Variants in ALDH3A2 observed in about 807,000 individuals in gnomAD.
ALDH3A2 encodes the protein aldehyde dehydrogenase family 3 member A2.
ALDH3A2 carries 36 observed loss-of-function variants against 51.3 expected under a neutral mutation model. The observed-to-expected ratio is 0.70, with a 90% confidence interval of 0.54 to 0.93. ALDH3A2 has a LOEUF of 0.93. ALDH3A2 is among the 40% of genes least tolerant of loss of function. The pLI is 0.00. For synonymous variants in ALDH3A2, 199 were observed against 219.8 expected (o/e 0.91, Z 0.84); for missense variants, 552 against 603.1 (o/e 0.92, Z 0.89).
Position 19,656,347 on chromosome 17 carries a change from G to T in ALDH3A2, c.472-19G>T. 6.3e-7 allele frequency: 1 copy of T among 1,598,074 alleles called. No individual in the cohort carries two copies. The highest frequency in any genetic ancestry group is 8.6e-7 in the Non-Finnish European group (1 of 1,165,614). On this transcript the variant is annotated intron_variant, in intron 3 of 9. Coordinates refer to ENST00000176643, the MANE Select transcript of ALDH3A2 (RefSeq NM_000382.3). Reference sequence around the variant, plus strand: ...GATTTATTTGGCAGTGCAAGAGTTTGTGTTTCTCTTTCTTTGAGGATCTCT... The same window carrying T: ...GATTTATTTGGCAGTGCAAGAGTTTTTGTTTCTCTTTCTTTGAGGATCTCT...
At chr17:19,655,295 T>C (rs2084880270) in intron 3 of ALDH3A2, 1 of 152,250 alleles carries the variant, frequency 6.6e-6, no homozygotes, top group African/African-American at 2.4e-5. Context: ...TTTGTTCTAA[T>C]AGCTGTGATG....
At chr17:19,661,899 A>G (rs2084971582) in intron 6 of ALDH3A2, 2 of 152,156 alleles carry the variant, frequency 1.3e-5, no homozygotes, top group Non-Finnish European at 2.9e-5. Flanking sequence ...AAAAAAACTT[A>G]AAAATGAAAT....
At chr17:19,663,230 G>T in intron 6 of ALDH3A2, 103 bp from the exon 7 acceptor site, 1 of 1,345,056 alleles carries the variant, frequency 7.4e-7, no homozygotes. Flanking sequence ...ACTTGGGTGG[G>T]AGAGGGAAAG....
chr17:19,653,304 G>A (rs1018638395), intron 3 of ALDH3A2, among the ~76,000 whole-genome samples: 4 of 151,884 alleles, frequency 2.6e-5, no homozygotes, highest in South Asian at 2.1e-4. Context: ...CTTGGCCTCC[G>A]AAAGTGCTGG....
In ALDH3A2 at chr17:19,648,970, C is replaced by T. The variant is rs1289946940; in HGVS notation, c.-2C>T. Reference sequence around the variant, plus strand: ...CCGTGCAGTTCTCTGCAGGACCAGGCCATGGAGCTCGAAGTCCGGCGGGTC... The same window carrying T: ...CCGTGCAGTTCTCTGCAGGACCAGGTCATGGAGCTCGAAGTCCGGCGGGTC... On this transcript the variant is annotated 5_prime_UTR_variant, in exon 1 of 10. Coordinates refer to ENST00000176643, the MANE Select transcript of ALDH3A2 (RefSeq NM_000382.3). 1.3e-6 allele frequency: 2 copies of T among 1,585,234 alleles called. No individual in the cohort carries two copies. The highest frequency in any genetic ancestry group is 1.7e-6 in the Non-Finnish European group (2 of 1,166,764).
intron 4 of ALDH3A2, among the ~76,000 whole-genome samples, chr17:19,657,207 A>G (rs772243019): frequency 1.6e-4 from 24 of 152,376 alleles, no homozygotes; most frequent in Non-Finnish European, 3.4e-4. Context: ...TGTCAAAACC[A>G]GACACCCTCA....
rs1402068548 is a variant in ALDH3A2, at chr17:19,654,722, A to G, written c.472-1644A>G. ...CCCTCCACACCTTCCCACAAGCAGA[A>G]GGAGCCGGCTCCAGCCTTGGCCAGC... On this transcript the variant is annotated intron_variant, in intron 3 of 9. Transcript: ENST00000176643. This position sits in a 1 kb window ranked among gnomAD's most constrained non-coding sequence, Gnocchi z 4.5. 6.6e-6 allele frequency among the ~76,000 whole-genome samples: 1 copy of G among 151,856 alleles called. No homozygotes were observed. Among genetic ancestry groups the G allele is most frequent in the Non-Finnish European group, 1.5e-5 (1 of 67,972 alleles).
upstream of ALDH3A2, chr17:19,648,629 C>A (rs947999282): frequency 2.6e-6 from 1 of 383,234 alleles, no homozygotes; most frequent in Admixed American, 3.9e-5. Context: ...TCACTCCACC[C>A]CCTACATCCC....
rs1017339481 is a variant in ALDH3A2 at position 19,648,853 on chromosome 17, C to T, written c.-119C>T. The T allele has an allele frequency of 4.0e-5, 54 of 1,341,146 alleles. No individual in the cohort carries two copies. The highest frequency in any genetic ancestry group is 2.5e-4 in the Middle Eastern group (1 of 3,936). 83.1% of individuals were successfully genotyped at this position (1,341,146 alleles called of 1,614,324 possible). On this transcript the variant is annotated 5_prime_UTR_variant, in exon 1 of 10. The change creates a new upstream start codon in the 5' untranslated region. Coordinates refer to ENST00000176643, the MANE Select transcript of ALDH3A2 (RefSeq NM_000382.3). Reference sequence around the variant, plus strand: ...CGAGTGAATTGTGGCTGTGGGTTGACGGTGGAGACACCCCCCGGAGGGAGG... The same window carrying T: ...CGAGTGAATTGTGGCTGTGGGTTGATGGTGGAGACACCCCCCGGAGGGAGG...
At position 19,663,335 on chromosome 17, in the gene ALDH3A2, C is replaced by T. The variant is rs72547571; in HGVS notation, c.943C>T (p.Pro315Ser). 78 of 1,613,724 alleles carry T rather than the reference C, an allele frequency of 4.8e-5. No individual in the cohort carries two copies. The highest frequency in any genetic ancestry group is 5.3e-5 in the Non-Finnish European group (63 of 1,179,948). ...ETDEATRYIAPTVLTDVDPKT... is the reference protein window; with the variant it reads ...ETDEATRYIASTVLTDVDPKT... ...CATTTTGTTTATTTTCTTTTTAGCC[C>T]CAACAGTACTTACCGATGTTGATCC... The change falls in exon 7 of 10, where the codon CCA becomes TCA. Residue 315 changes from proline to serine, a missense_variant and splice_region_variant. Physicochemically the swap from Pro to Ser is moderately conservative, Grantham distance 74 (BLOSUM62 -1). Transcript: ENST00000176643.
intron 8 of ALDH3A2, among the ~76,000 whole-genome samples, chr17:19,667,272 C>T (rs2085051723): frequency 6.6e-6 from 1 of 152,140 alleles, no homozygotes; most frequent in African/African-American, 2.4e-5. Context: ...CATACTTTTC[C>T]ATCATATGAA....
chr17:19,661,528 C>T (rs1241389014), intron 6 of ALDH3A2: 2 of 446,238 alleles, frequency 4.5e-6, no homozygotes, highest in Admixed American at 7.6e-5. Context: ...CCTAACAATC[C>T]TGAGAAGCAG....
chr17:19,648,643 C>A (rs2084766838), upstream of ALDH3A2: 3 of 414,226 alleles, frequency 7.2e-6, no homozygotes, highest in African/African-American at 4.1e-5. Context: ...ACATCCCAGC[C>A]CGCTGCCAGA....
Position 19,648,868 on chromosome 17 carries a change from C to CCGGAGGGAGG in ALDH3A2, c.-95_-86dup. 1.4e-6 allele frequency: 2 copies of CCGGAGGGAGG among 1,458,712 alleles called. No individual in the cohort carries two copies. Among genetic ancestry groups the CCGGAGGGAGG allele is most frequent in the Non-Finnish European group, 1.9e-6 (2 of 1,080,274 alleles). 90.4% of individuals were successfully genotyped at this position (1,458,712 alleles called of 1,614,324 possible). On this transcript the variant is annotated 5_prime_UTR_variant, in exon 1 of 10. Coordinates refer to ENST00000176643, the MANE Select transcript of ALDH3A2 (RefSeq NM_000382.3). ...TGTGGGTTGACGGTGGAGACACCCC[C>CCGGAGGGAGG]CGGAGGGAGGCGGAGGGAAGGGAGG...
intron 3 of ALDH3A2, 32 bp downstream of exon 3, chr17:19,652,664 G>A (rs759068160): frequency 3.3e-6 from 5 of 1,493,544 alleles, no homozygotes; most frequent in Admixed American, 1.7e-5. Context: ...TCCAACATAT[G>A]TGTTTACTGT....
At chr17:19,675,439 G>T in intron 9 of ALDH3A2, 119 bp from the exon 10 acceptor site, 1 of 1,033,224 alleles carries the variant, frequency 9.7e-7, no homozygotes, top group Non-Finnish European at 1.5e-6. Flanking sequence ...TACAATGCAT[G>T]TAGAGTCTCT....
At chr17:19,664,643 C>T (rs1162940200) in intron 7 of ALDH3A2, among the ~76,000 whole-genome samples, 5 of 152,206 alleles carry the variant, frequency 3.3e-5, no homozygotes, top group African/African-American at 1.2e-4. Context: ...GAGTCTTTTG[C>T]TGCTGTGTTG....
intron 1 of ALDH3A2, among the ~76,000 whole-genome samples, chr17:19,650,609 G>A (rs1406688195): frequency 5.9e-5 from 9 of 151,864 alleles, no homozygotes; most frequent in Admixed American, 5.2e-4. Context: ...GCCCGCCACC[G>A]TGCCCGGCTA....
chr17:19,657,958 G>C, intron 5 of ALDH3A2, 96 bp downstream of exon 5: 1 of 1,013,402 alleles, frequency 9.9e-7, no homozygotes, highest in Non-Finnish European at 1.5e-6. Flanking sequence ...TCTCCCTTCA[G>C]GAAAATTTCA....
Sources: gnomAD v4.1 joint callset for allele counts (sites outside exome capture counted in the v4.1 genomes callset) on GRCh38, gnomAD v4.1.1 for gene constraint, Gnocchi (gnomAD v3.1) non-coding constraint, MANE v1.5 for transcripts, NCBI Gene and HGNC (gene_info 2026-07-23, HGNC 2026-07-21) for gene names.